The following HMGB1 variants were observed in gnomAD, a reference collection of about 807,000 sequenced individuals.
HMGB1 encodes high mobility group protein B1.
For synonymous variants in HMGB1, 81 were observed against 84.0 expected, an observed-to-expected ratio of 0.96 and a Z score of 0.19; for missense variants, 79 against 253.5, an observed-to-expected ratio of 0.31 and a Z score of 4.67.
At chr13:30,589,582 A>T (rs1305375632) in intron 1 of HMGB1, among the ~76,000 whole-genome samples, 1 of 152,180 alleles carries the variant, frequency 6.6e-6, no homozygotes, top group Non-Finnish European at 1.5e-5. Context: ...TGCCAAAATG[A>T]CAGAGGCTGT....
At chr13:30,571,538 C>T (rs888497442) in intron 1 of HMGB1, among the ~76,000 whole-genome samples, 2 of 152,126 alleles carry the variant, frequency 1.3e-5, no homozygotes, top group Admixed American at 1.3e-4. Flanking sequence ...TTGTGATCTG[C>T]CCGCCTTAGC....
chr13:30,610,857 T>A (rs182889690), intron 1 of HMGB1, among the ~76,000 whole-genome samples: 1 of 152,192 alleles, frequency 6.6e-6, no homozygotes, highest in African/African-American at 2.4e-5. Flanking sequence ...TTTTAACTTA[T>A]GTGGTGAGAA....
intron 1 of HMGB1, chr13:30,464,761 T>TTG (rs376284891): frequency 0.03 from 5,014 of 164,416 alleles, 127 homozygotes; most frequent in African/African-American, 0.061. Flanking sequence ...CTCCTTCCCT[T>TTG]TGTGTGTGTG....
At chr13:30,503,065 C>T (rs898822822) in intron 1 of HMGB1, among the ~76,000 whole-genome samples, 15 of 151,794 alleles carry the variant, frequency 9.9e-5, no homozygotes, top group South Asian at 2.1e-4. Context: ...AGGCCAGGAG[C>T]GGTGGCTCAC....
At chr13:30,507,527 G>C (rs1406904737) in intron 1 of HMGB1, among the ~76,000 whole-genome samples, 1 of 152,200 alleles carries the variant, frequency 6.6e-6, no homozygotes, top group Admixed American at 6.5e-5. Flanking sequence ...AAGACAGACT[G>C]ACTCTTCACA....
At chr13:30,467,572 A>G (rs894878750), upstream of HMGB1, among the ~76,000 whole-genome samples, 2 of 152,236 alleles carry the variant, frequency 1.3e-5, no homozygotes, top group Non-Finnish European at 2.9e-5. Flanking sequence ...GTGTTTAAAG[A>G]TAATATATCT....
intron 1 of HMGB1, chr13:30,541,107 T>C (rs1334304827): frequency 6.6e-6 from 1 of 152,234 alleles, no homozygotes; most frequent in Non-Finnish European, 1.5e-5. Context: ...TCAATGAATT[T>C]AGATTTCCTA....
At chr13:30,609,179 C>T (rs568478726) in intron 1 of HMGB1, among the ~76,000 whole-genome samples, 16 of 152,300 alleles carry the variant, frequency 1.1e-4, no homozygotes, top group African/African-American at 3.8e-4. Flanking sequence ...AGGAGAATGG[C>T]GTGAACCCGG....
At chr13:30,603,357 C>G (rs992039362) in intron 1 of HMGB1, among the ~76,000 whole-genome samples, 13 of 152,122 alleles carry the variant, frequency 8.5e-5, no homozygotes, top group Non-Finnish European at 1.2e-4. Context: ...GGAGGCAGTT[C>G]AAAACTGAAC....
chr13:30,564,336 C>T (rs1415718215), intron 1 of HMGB1, among the ~76,000 whole-genome samples: 1 of 151,590 alleles, frequency 6.6e-6, no homozygotes, highest in Non-Finnish European at 1.5e-5. Context: ...GCCTGCAGTC[C>T]CAGCTACTCG....
chr13:30,476,118 CTTTTTTTT>C (rs71093065), intron 1 of HMGB1, among the ~76,000 whole-genome samples: 2 of 109,496 alleles, frequency 1.8e-5, no homozygotes, highest in Non-Finnish European at 3.7e-5. Flanking sequence ...GTGGCATGTA[CTTTTTTTT>C]TTTTTTTTTT....
intron 1 of HMGB1, among the ~76,000 whole-genome samples, chr13:30,581,229 A>G (rs1422819176): frequency 6.6e-6 from 1 of 152,238 alleles, no homozygotes; most frequent in Admixed American, 6.5e-5. Context: ...TACTTAGAGT[A>G]GATCTATAAT....
rs933262551 is a variant in HMGB1, at chr13:30,603,469, G to A, written c.-15+13202C>T. On this transcript the variant is annotated intron_variant, in intron 1 of 4. Transcript: ENST00000405805. ...CTTATTTAGGCATCGTTTCTTCTGG[G>A]AGACCTTTGTAGAATCTCTGAGGTT... Among the ~76,000 whole-genome samples, 68 of 152,152 alleles carry A rather than the reference G, an allele frequency of 4.5e-4. 1 individual carries two copies. Among genetic ancestry groups the A allele is most frequent in the South Asian group, 4.1e-4 (2 of 4,828 alleles).
chr13:30,583,592 T>C (rs550528993), intron 1 of HMGB1, among the ~76,000 whole-genome samples: 57 of 149,994 alleles, frequency 3.8e-4, no homozygotes, highest in Non-Finnish European at 7.1e-4. Flanking sequence ...TCCCATCACT[T>C]TGGGAGGCCA....
rs866776985 is a variant in HMGB1, at chr13:30,461,142, G to A, written c.*215C>T. The A allele has an allele frequency of 7.6e-7, 1 of 1,308,538 alleles. No individual in the cohort carries two copies. Among genetic ancestry groups the A allele is most frequent in the Non-Finnish European group, 9.7e-7 (1 of 1,025,970 alleles). 81.1% of individuals were successfully genotyped at this position (1,308,538 alleles called of 1,614,324 possible). Reference sequence around the variant, plus strand: ...AATTTACAACCCCCATACTGTACCAGGCAAGGTTAGTGGCTATTGAAAATA... The same window carrying A: ...AATTTACAACCCCCATACTGTACCAAGCAAGGTTAGTGGCTATTGAAAATA... On this transcript the variant is annotated 3_prime_UTR_variant, in exon 5 of 5. Transcript: ENST00000341423.
At chr13:30,486,591 G>C (rs982307571) in intron 1 of HMGB1, among the ~76,000 whole-genome samples, 2 of 152,198 alleles carry the variant, frequency 1.3e-5, no homozygotes, top group East Asian at 3.9e-4. Context: ...GGAAGCAAGA[G>C]AAAAATAAAG....
chr13:30,549,399 G>A (rs1417881842), intron 1 of HMGB1, among the ~76,000 whole-genome samples: 1 of 152,182 alleles, frequency 6.6e-6, no homozygotes, highest in Non-Finnish European at 1.5e-5. Context: ...TAGTGATAGT[G>A]TTCAGAGTAA....
chr13:30,584,312 T>C (rs1050446605), intron 1 of HMGB1, among the ~76,000 whole-genome samples: 24 of 152,198 alleles, frequency 1.6e-4, no homozygotes, highest in Non-Finnish European at 3.2e-4. Context: ...TTTTCTTTTC[T>C]CTGACTTGAA....
chr13:30,474,846 C>CTT, intron 1 of HMGB1, among the ~76,000 whole-genome samples: 1 of 130,642 alleles, frequency 7.7e-6, no homozygotes, highest in Non-Finnish European at 1.6e-5. Flanking sequence ...CTCTCTCTCT[C>CTT]TTTTTTTGTT....
Sources: gnomAD v4.1 joint callset for allele counts (sites outside exome capture counted in the v4.1 genomes callset) on GRCh38, gnomAD v4.1.1 for gene constraint, MANE v1.5 for transcripts, NCBI Gene and HGNC (gene_info 2026-07-23, HGNC 2026-07-21) for gene names.